CCDC63: variants seen among roughly 807,000 people sequenced by gnomAD.
CCDC63 encodes the protein coiled-coil domain-containing protein 63.
A neutral mutation model predicts 63.6 loss-of-function variants in CCDC63; 54 were observed. The observed-to-expected ratio is 0.85, with a 90% CI of 0.68 to 1.07. The LOEUF is 1.07. CCDC63 is among the 50% of genes least tolerant of loss of function. The pLI is 0.00. For synonymous variants in CCDC63, 253 were observed against 266.1 expected (o/e 0.95, Z 0.48); for missense variants, 637 against 689.6 (o/e 0.92, Z 0.86).
intron 3 of CCDC63, among the ~76,000 whole-genome samples, chr12:110,856,024 T>A (rs2136646677): frequency 6.6e-6 from 1 of 152,160 alleles, no homozygotes; most frequent in South Asian, 2.1e-4. Context: ...TGGCCTTGCC[T>A]GCAAGACAGA....
chr12:110,896,854 T>C (rs552606971), intron 9 of CCDC63, among the ~76,000 whole-genome samples: 89 of 152,342 alleles, frequency 5.8e-4, no homozygotes, highest in African/African-American at 2.1e-3. Context: ...CAGACTTTAC[T>C]GTGCACCAGG....
intron 9 of CCDC63, among the ~76,000 whole-genome samples, chr12:110,893,568 C>G (rs1004539570): frequency 2.0e-5 from 3 of 152,130 alleles, no homozygotes; most frequent in African/African-American, 4.8e-5. Context: ...TTACCATGTA[C>G]GAGGCGCCGG....
At chr12:110,878,385 G>A (rs2071159286) in intron 5 of CCDC63, among the ~76,000 whole-genome samples, 1 of 152,060 alleles carries the variant, frequency 6.6e-6, no homozygotes, top group Non-Finnish European at 1.5e-5. Context: ...CGTGATCTCG[G>A]CTCACTGAAA....
At chr12:110,876,654 G>C (rs1299830723) in intron 5 of CCDC63, among the ~76,000 whole-genome samples, 1 of 151,998 alleles carries the variant, frequency 6.6e-6, no homozygotes, top group Non-Finnish European at 1.5e-5. Flanking sequence ...CTTGCTGTTA[G>C]GAATATTTTT....
chr12:110,879,974 A>G lies in CCDC63; in HGVS notation c.558A>G (p.Arg186=). The G allele has an allele frequency of 2.5e-6, 4 of 1,614,192 alleles. No individual in the cohort carries two copies. Among genetic ancestry groups the G allele is most frequent in the Non-Finnish European group, 3.4e-6 (4 of 1,180,034 alleles). Residue 186 remains arginine (R), a synonymous_variant, in exon 6 of 12, where the codon CGA becomes CGG. Coordinates refer to ENST00000308208, the MANE Select transcript of CCDC63 (RefSeq NM_152591.3). ...AKLRKEIEDL[R]FEKAAYDNVY... ...TCCGGAAGGAGATTGAAGACCTACGATTTGAGAAGGCTGCTTATGACAATG... is the reference window on the plus strand; with the variant it reads ...TCCGGAAGGAGATTGAAGACCTACGGTTTGAGAAGGCTGCTTATGACAATG...
intron 7 of CCDC63, among the ~76,000 whole-genome samples, chr12:110,883,186 T>C (rs1359766360): frequency 6.6e-6 from 1 of 151,970 alleles, no homozygotes; most frequent in Admixed American, 6.6e-5. Context: ...TACAGGCACA[T>C]GCCACCACAC....
chr12:110,854,293 CT>C (rs34749124), intron 3 of CCDC63, among the ~76,000 whole-genome samples: 268 of 101,580 alleles, frequency 2.6e-3, no homozygotes, highest in Non-Finnish European at 4.0e-3. Flanking sequence ...TTTCTTTTCT[CT>C]TTTTTTTTTT....
chr12:110,858,805 G>C (rs2070813640), intron 4 of CCDC63, 30 bp downstream of exon 4: 1 of 1,596,568 alleles, frequency 6.3e-7, no homozygotes, highest in Non-Finnish European at 8.6e-7. Context: ...GGGTTAACCA[G>C]AACACAGAGC....
chr12:110,851,247 A>AT (rs1395350562), intron 1 of CCDC63, among the ~76,000 whole-genome samples: 1 of 71,696 alleles, frequency 1.4e-5, no homozygotes, highest in East Asian at 3.4e-4. Context: ...GCTTGGCTAA[A>AT]TGCTGGTGCT....
intron 9 of CCDC63, among the ~76,000 whole-genome samples, chr12:110,894,987 T>C (rs1278330849): frequency 6.6e-6 from 1 of 152,230 alleles, no homozygotes; most frequent in Non-Finnish European, 1.5e-5. Flanking sequence ...CGATCTCCGC[T>C]CACTGCAACG....
At chr12:110,853,673 GAGCC>G in intron 3 of CCDC63, 99 bp downstream of exon 3, 2 of 1,358,396 alleles carry the variant, frequency 1.5e-6, no homozygotes, top group Non-Finnish European at 1.0e-6. Flanking sequence ...CTGGGGCAGG[GAGCC>G]ACCTCTGAGC....
chr12:110,855,249 G>A (rs2070756181), intron 3 of CCDC63, among the ~76,000 whole-genome samples: 2 of 152,136 alleles, frequency 1.3e-5, no homozygotes, highest in Admixed American at 1.3e-4. Flanking sequence ...GATTTTGTTA[G>A]AACAAGAAAG....
At chr12:110,878,877 C>T (rs992545645) in intron 5 of CCDC63, among the ~76,000 whole-genome samples, 4 of 152,014 alleles carry the variant, frequency 2.6e-5, no homozygotes, top group Non-Finnish European at 4.4e-5. Flanking sequence ...CCAATCACAT[C>T]GCCTTTAAAA....
At chr12:110,893,252 G>GCCCGA in intron 9 of CCDC63, 102 bp downstream of exon 9, 2 of 913,416 alleles carry the variant, frequency 2.2e-6, no homozygotes, top group Non-Finnish European at 3.5e-6. Flanking sequence ...TCTGTCAGCT[G>GCCCGA]CTTCTCAGGA....
In CCDC63 at chr12:110,884,182, C is replaced by G; in HGVS notation, c.1006C>G (p.Arg336Gly). 6.2e-7 allele frequency: 1 copy of G among 1,614,074 alleles called. No homozygotes were observed. The highest frequency in any genetic ancestry group is 8.5e-7 in the Non-Finnish European group (1 of 1,180,014). Reference sequence around the variant, plus strand: ...GGCCAAGGAGGAGAAGAATTTTGCTCGGTTCACGTATGTCACGGAGCTCAA... The same window carrying G: ...GGCCAAGGAGGAGAAGAATTTTGCTGGGTTCACGTATGTCACGGAGCTCAA... ...FLAKEEKNFA[R>G]FTYVTELNND... Residue 336 changes from arginine (R) to glycine (G), a missense_variant, in exon 8 of 12, where the codon CGG becomes GGG. Physicochemically the swap from Arg to Gly is moderately radical, Grantham distance 125 (BLOSUM62 -2). Coordinates refer to ENST00000308208, the MANE Select transcript of CCDC63 (RefSeq NM_152591.3).
chr12:110,859,925 C>T (rs114571488), intron 4 of CCDC63, among the ~76,000 whole-genome samples: 1,840 of 152,200 alleles, frequency 0.012, 39 homozygotes, highest in African/African-American at 0.041. Flanking sequence ...CCCCCACTCC[C>T]GCTTGTCCTT....
chr12:110,882,275 G>A (rs1312604531), intron 7 of CCDC63, among the ~76,000 whole-genome samples: 2 of 151,782 alleles, frequency 1.3e-5, no homozygotes, highest in African/African-American at 4.8e-5. Context: ...GCTTTGGGAG[G>A]CCAAGGCGGG....
intron 5 of CCDC63, among the ~76,000 whole-genome samples, chr12:110,878,287 T>C (rs2071157759): frequency 6.6e-6 from 1 of 152,144 alleles, no homozygotes; most frequent in South Asian, 2.1e-4. Context: ...CACATATAAG[T>C]ATGTGCATAT....
chr12:110,875,965 G>T (rs1397570566), intron 5 of CCDC63, among the ~76,000 whole-genome samples: 1 of 152,030 alleles, frequency 6.6e-6, no homozygotes, highest in Non-Finnish European at 1.5e-5. Flanking sequence ...AATTAGCCAG[G>T]CATGGTGATG....
Sources: gnomAD v4.1 joint callset for allele counts (sites outside exome capture counted in the v4.1 genomes callset) on GRCh38, gnomAD v4.1.1 for gene constraint, MANE v1.5 for transcripts, NCBI Gene and HGNC (gene_info 2026-07-23, HGNC 2026-07-21) for gene names.